DNAH5: variants seen among roughly 807,000 people sequenced by gnomAD.
DNAH5 encodes axonemal beta dynein heavy chain 5.
A neutral mutation model predicts 518.2 loss-of-function variants in DNAH5; 372 were observed. That is an observed-to-expected ratio of 0.72 (90% CI 0.66 to 0.78). DNAH5 has a LOEUF of 0.78. Ranked by LOEUF, DNAH5 falls within the 30% of genes least tolerant of loss-of-function variation. The pLI is 0.00. For missense variants in DNAH5, 5,523 were observed against 5,687.0 expected (o/e 0.97, Z 0.93); for synonymous variants, 2,039 against 2,025.9 (o/e 1.01, Z -0.17).
chr5:13,988,941 C>A (rs550480494), intron 1 of DNAH5, among the ~76,000 whole-genome samples: 9 of 136,120 alleles, frequency 6.6e-5, no homozygotes, highest in South Asian at 4.9e-4. Context: ...TTGGCCAGGC[C>A]TGGTCTCAAA....
At position 13,719,159 on chromosome 5, in the gene DNAH5, T is replaced by C. The variant is rs1357709162; in HGVS notation, c.12280-58A>G. On this transcript the variant is annotated intron_variant, in intron 71 of 78. Coordinates refer to ENST00000265104, the MANE Select transcript of DNAH5 (RefSeq NM_001369.3). ...TTTGTATTTCACCCAAATTCTAAAT[T>C]ATTACATTCTTTAGAAATTAAGTAA... is the stretch of plus-strand genomic sequence containing the variant. 4 of 1,276,784 alleles carry C rather than the reference T, an allele frequency of 3.1e-6. No homozygotes were observed. In the East Asian group the frequency reaches 9.9e-5, roughly 32 times the overall value. The allele number at this position is 1,276,784 out of a possible 1,614,324, so 79.1% of individuals were successfully genotyped here.
At position 13,756,347 on chromosome 5, in the gene DNAH5, T is replaced by C. The variant is rs73749947; in HGVS notation, c.10420-2009A>G. Among the ~76,000 whole-genome samples the C allele has an allele frequency of 8.9e-3, 1,349 of 152,052 alleles. 24 individuals carry two copies. Among genetic ancestry groups the C allele is most frequent in the African/African-American group, 0.031 (1,282 of 41,474 alleles). ...GGTTGTAGGTATGCCCAGATTTTTT[T>C]TTAATACGGAATTTGACATTTGTTG... is the stretch of plus-strand genomic sequence containing the variant. On this transcript the variant is annotated intron_variant, in intron 61 of 78. Coordinates refer to ENST00000265104, the MANE Select transcript of DNAH5 (RefSeq NM_001369.3).
At chr5:13,786,121 G>T (rs955873145) in intron 52 of DNAH5, 58 bp downstream of exon 52, 1 of 1,533,584 alleles carries the variant, frequency 6.5e-7, no homozygotes, top group African/African-American at 1.4e-5. Context: ...AGAGGACCAT[G>T]GTGTGAAGCC....
intron 55 of DNAH5, chr5:13,771,230 C>T: frequency 2.1e-6 from 1 of 487,260 alleles, no homozygotes. Flanking sequence ...GGTGCTTGTG[C>T]AGAGACATCT....
intron 29 of DNAH5, among the ~76,000 whole-genome samples, chr5:13,862,144 G>A (rs941846260): frequency 4.7e-5 from 7 of 149,468 alleles, no homozygotes; most frequent in African/African-American, 1.7e-4. Context: ...GTAGAGCTAT[G>A]AGCTGTGCAG....
intron 30 of DNAH5, among the ~76,000 whole-genome samples, chr5:13,854,158 G>C (rs1767273403): frequency 6.6e-6 from 1 of 152,218 alleles, no homozygotes; most frequent in Non-Finnish European, 1.5e-5. Flanking sequence ...AAGCCCATTA[G>C]ACTAACAGTG....
chr5:13,735,965 C>A (rs767217387), intron 66 of DNAH5, 33 bp from the exon 67 acceptor site: 51 of 1,524,842 alleles, frequency 3.3e-5, no homozygotes, highest in Non-Finnish European at 4.3e-5. Flanking sequence ...GCATGTGCTA[C>A]GAGAGAGGAA....
intron 43 of DNAH5, among the ~76,000 whole-genome samples, chr5:13,813,468 A>AC (rs952232153): frequency 4.0e-5 from 6 of 151,416 alleles, no homozygotes; most frequent in Non-Finnish European, 4.4e-5. Flanking sequence ...AAAAAAAAAA[A>AC]AAAAACAATC....
Position 13,955,717 on chromosome 5 carries a change from G to GA in DNAH5, c.13-24474dup, listed in dbSNP as rs567499271. ...TTGGGAATTACTTTTTTCTCTTTAA[G>GA]AAAAAAAAGAAAATTAATAAAATGG... On this transcript the variant is annotated intron_variant, in intron 1 of 78. Coordinates refer to the DNAH5 transcript ENST00000681290. 2.6e-5 allele frequency among the ~76,000 whole-genome samples: 4 copies of GA among 151,232 alleles called. No homozygotes were observed. In the South Asian group the frequency reaches 6.3e-4, roughly 24 times the overall value.
Position 13,959,191 on chromosome 5 carries a change from C to T in DNAH5, c.13-27947G>A, listed in dbSNP as rs1780979979. On this transcript the variant is annotated intron_variant, in intron 1 of 78. Transcript: ENST00000681290. ...CAAACTCCTAACCTCCAGTGGTCAG[C>T]CCGCCTCAGCCTCCCAAAATGCTGG... Among the ~76,000 whole-genome samples the T allele has an allele frequency of 2.0e-5, 3 of 152,350 alleles. No individual in the cohort carries two copies. In the South Asian group the frequency reaches 6.2e-4, roughly 32 times the overall value.
At chr5:13,965,607 T>TG (rs1781475206) in intron 1 of DNAH5, among the ~76,000 whole-genome samples, 1 of 152,170 alleles carries the variant, frequency 6.6e-6, no homozygotes, top group South Asian at 2.1e-4. Context: ...TCCATTAATC[T>TG]GACAGTTATT....
intron 55 of DNAH5, among the ~76,000 whole-genome samples, chr5:13,772,297 TTTC>T (rs1753455099): frequency 6.6e-6 from 1 of 152,260 alleles, no homozygotes; most frequent in Non-Finnish European, 1.5e-5. Flanking sequence ...AATGATTTTC[TTTC>T]TTCTTATCTG....
chr5:13,739,344 G>A (rs964882832), intron 65 of DNAH5, among the ~76,000 whole-genome samples: 2 of 152,132 alleles, frequency 1.3e-5, no homozygotes, highest in Non-Finnish European at 2.9e-5. Flanking sequence ...AGATCTGATG[G>A]TTTTATCAGC....
At chr5:13,917,289 A>G in intron 7 of DNAH5, 33 bp from the exon 8 acceptor site, 1 of 1,509,538 alleles carries the variant, frequency 6.6e-7, no homozygotes, top group Middle Eastern at 1.7e-4. Context: ...ATTTTAATGT[A>G]ATTATTAATA....
chr5:13,775,258 T>A (rs924624692), intron 55 of DNAH5, among the ~76,000 whole-genome samples: 1 of 152,056 alleles, frequency 6.6e-6, no homozygotes, highest in Non-Finnish European at 1.5e-5. Context: ...TAAATTTATA[T>A]CACAAACATG....
intron 1 of DNAH5, among the ~76,000 whole-genome samples, chr5:13,970,733 T>C (rs1479090890): frequency 6.6e-6 from 1 of 152,222 alleles, no homozygotes; most frequent in Non-Finnish European, 1.5e-5. Context: ...TCCTTCATCT[T>C]GTCTTTAGAT....
chr5:13,691,522 AC>A lies in DNAH5; in HGVS notation c.*461del, dbSNP rs966401501. The A allele has an allele frequency of 6.4e-6, 1 of 155,436 alleles. No individual in the cohort carries two copies. The highest frequency in any genetic ancestry group is 2.4e-5 in the African/African-American group (1 of 41,408). 9.6% of individuals were successfully genotyped at this position (155,436 alleles called of 1,614,324 possible). A position where few individuals can be genotyped will look rare whatever the true frequency, so the allele number is the denominator to read the frequency against. On this transcript the variant is annotated 3_prime_UTR_variant, in exon 79 of 79. Transcript: ENST00000265104. Reference sequence around the variant, plus strand: ...AGGTATTTTTAATTGGCTGCTTGAAACCCTGAAAATAAGTCTCTTAACTTGA... The same window carrying A: ...AGGTATTTTTAATTGGCTGCTTGAAACCTGAAAATAAGTCTCTTAACTTGA...
intron 11 of DNAH5, 72 bp downstream of exon 11, chr5:13,913,671 A>C: frequency 1.9e-6 from 3 of 1,545,486 alleles, no homozygotes; most frequent in Non-Finnish European, 2.7e-6. Context: ...CATTCTAAAC[A>C]CTGTTATTTG....
intron 59 of DNAH5, among the ~76,000 whole-genome samples, chr5:13,763,633 G>A (rs896190287): frequency 5.9e-5 from 9 of 152,266 alleles, no homozygotes; most frequent in South Asian, 2.1e-4. Flanking sequence ...TTTTCCAAGC[G>A]GAAAGAAATT....
Sources: allele counts gnomAD v4.1 joint callset (sites outside exome capture counted in the v4.1 genomes callset), GRCh38; gene constraint gnomAD v4.1.1; transcripts MANE v1.5; gene names NCBI Gene and HGNC (gene_info 2026-07-23, HGNC 2026-07-21).